LRRC71: variants seen among roughly 807,000 people sequenced by gnomAD.
The protein encoded by LRRC71 is leucine-rich repeat-containing protein 71.
LRRC71 carries 54 observed loss-of-function variants against 66.6 expected under a neutral mutation model. That is an observed-to-expected ratio of 0.81 (90% CI 0.65 to 1.02). LRRC71 has a LOEUF of 1.02. Among genes scored for constraint, LRRC71 ranks in the 50% least tolerant of loss-of-function variants. The pLI is 0.00. For synonymous variants in LRRC71, 323 were observed against 303.9 expected, an observed-to-expected ratio of 1.06 and a Z score of -0.65; for missense variants, 724 against 718.0, an observed-to-expected ratio of 1.01 and a Z score of -0.10.
chr1:156,932,343 G>T, intron 13 of LRRC71, 81 bp from the exon 14 acceptor site: 1 of 1,155,102 alleles, frequency 8.7e-7, no homozygotes, highest in East Asian at 2.5e-5. Context: ...TGGAGGAACT[G>T]GGATGCTGGG....
intron 1 of LRRC71, among the ~76,000 whole-genome samples, chr1:156,922,439 G>C (rs374585037): frequency 6.6e-6 from 1 of 152,180 alleles, no homozygotes; most frequent in Non-Finnish European, 1.5e-5. Flanking sequence ...ATGTGGGCTC[G>C]TGTCCGGTAG....
rs1239718744 is a variant in LRRC71 at position 156,924,420 on chromosome 1, C to T, written c.311-4C>T. 3 of 1,549,848 alleles carry T rather than the reference C, an allele frequency of 1.9e-6. No homozygotes were observed. Among genetic ancestry groups the T allele is most frequent in the Admixed American group, 2.0e-5 (1 of 51,004 alleles). ...TCCCCTCCCTCCTCACCTCTGCCTTCCAGACGATCCGCGGCTGTCGGGGTC... is the reference window on the plus strand; with the variant it reads ...TCCCCTCCCTCCTCACCTCTGCCTTTCAGACGATCCGCGGCTGTCGGGGTC... On this transcript the variant is annotated splice_polypyrimidine_tract_variant and splice_region_variant and intron_variant, in intron 2 of 14. Transcript: ENST00000337428.
chr1:156,932,650 G>T (rs1244907082), intron 14 of LRRC71, 105 bp downstream of exon 14: 10 of 1,611,790 alleles, frequency 6.2e-6, no homozygotes, highest in Non-Finnish European at 8.5e-6. Flanking sequence ...TCCAAGGAAG[G>T]TCTGTAGTTT....
chr1:156,930,710 T>C (rs1417027721), intron 12 of LRRC71, 93 bp downstream of exon 12: 2 of 1,189,006 alleles, frequency 1.7e-6, no homozygotes, highest in Non-Finnish European at 2.4e-6. Context: ...TGGAATGTGG[T>C]CTCCAGCCCC....
intron 9 of LRRC71, 46 bp from the exon 10 acceptor site, chr1:156,929,234 A>G (rs1653892230): frequency 6.4e-7 from 1 of 1,559,204 alleles, no homozygotes; most frequent in African/African-American, 1.4e-5. Context: ...CCATTGAGGA[A>G]GGGGCTCTGG....
downstream of LRRC71, chr1:156,937,448 G>C: frequency 6.4e-7 from 1 of 1,555,474 alleles, no homozygotes; most frequent in Non-Finnish European, 8.7e-7. Context: ...TGAGTGGTCG[G>C]TGCTTGAGTC....
the LRRC71 span, chr1:156,940,112 G>A: frequency 1.4e-6 from 2 of 1,441,556 alleles, no homozygotes; most frequent in East Asian, 2.3e-5. Flanking sequence ...ACCAGGAAGA[G>A]CCTTCGGGAA....
intron 5 of LRRC71, among the ~76,000 whole-genome samples, chr1:156,925,866 C>T (rs1303722997): frequency 6.6e-6 from 1 of 152,234 alleles, no homozygotes; most frequent in African/African-American, 2.4e-5. Context: ...GTGTAAAACA[C>T]CATGAAACAT....
Position 156,931,995 on chromosome 1 carries a change from G to T in LRRC71, c.1409G>T (p.Gly470Val). 6.3e-7 allele frequency: 1 copy of T among 1,599,978 alleles called. No homozygotes were observed. Among genetic ancestry groups the T allele is most frequent in the East Asian group, 2.2e-5 (1 of 44,468 alleles). Reference protein sequence around the residue: ...EHRDGKVFMPGNKVLLHLNLI... With the variant: ...EHRDGKVFMPVNKVLLHLNLI... ...CGAGATGGGAAAGTTTTCATGCCTGGGAACAAGGTCCTTTTGCACCTCAAC... is the reference window on the plus strand; with the variant it reads ...CGAGATGGGAAAGTTTTCATGCCTGTGAACAAGGTCCTTTTGCACCTCAAC... Residue 470 changes from glycine (G) to valine (V), a missense_variant, in exon 13 of 15, where the codon GGG (glycine) becomes GTG (valine). Coordinates refer to ENST00000337428, the MANE Select transcript of LRRC71 (RefSeq NM_144702.3).
chr1:156,932,456 T>A lies in LRRC71; in HGVS notation c.1474T>A (p.Phe492Ile), dbSNP rs1290478007. The A allele has an allele frequency of 6.2e-7, 1 of 1,613,764 alleles. No individual in the cohort carries two copies. ...CATCACAGAGGTGGGGCTGGAGGGCTTCCTCGCCACGGTGCAGTATCAGAT... is the reference window on the plus strand; with the variant it reads ...CATCACAGAGGTGGGGCTGGAGGGCATCCTCGCCACGGTGCAGTATCAGAT... The part of the protein sequence containing the change: ...NRITEVGLEG[F>I]LATVQYQMQF... Residue 492 changes from phenylalanine (F) to isoleucine (I), a missense_variant, in exon 14 of 15, where the codon TTC (phenylalanine) becomes ATC (isoleucine). Transcript: ENST00000337428.
In LRRC71 at chr1:156,932,903, G is replaced by C. The variant is rs2101668958; in HGVS notation, c.1614G>C (p.Leu538=). 1 of 1,606,954 alleles carries C rather than the reference G, an allele frequency of 6.2e-7. No homozygotes were observed. Among genetic ancestry groups the C allele is most frequent in the African/African-American group, 1.3e-5 (1 of 74,802 alleles). ...CTGCGTACGCCATAATCCAGGAGCT[G>C]ATGTTGCCAAGGGATCCCATCAAGG... The part of the protein sequence containing the change: ...QCPAYAIIQE[L]MLPRDPIKAK... The change falls in exon 15 of 15, where the codon CTG becomes CTC. Residue 538 remains leucine, a synonymous_variant. Transcript: ENST00000337428.
intron 14 of LRRC71, 56 bp from the exon 15 acceptor site, chr1:156,932,797 C>A: frequency 7.4e-7 from 1 of 1,351,938 alleles, no homozygotes; most frequent in Non-Finnish European, 1.0e-6. Flanking sequence ...TTTTTTTCTG[C>A]CAGAGGACTA....
chr1:156,927,180 C>A, intron 5 of LRRC71, 22 bp from the exon 6 acceptor site: 3 of 1,603,756 alleles, frequency 1.9e-6, no homozygotes, highest in Non-Finnish European at 2.6e-6. Flanking sequence ...CCTTCTGGTT[C>A]TCAGATCTCC....
intron 13 of LRRC71, 29 bp downstream of exon 13, chr1:156,932,056 T>C (rs750172449): frequency 6.5e-7 from 1 of 1,538,430 alleles, no homozygotes; most frequent in Non-Finnish European, 8.8e-7. Context: ...CCTGTCCTCC[T>C]GTCATGAGGC....
chr1:156,936,497 A>ACATATATAT, downstream of LRRC71, among the ~76,000 whole-genome samples: 1 of 33,938 alleles, frequency 2.9e-5, no homozygotes, highest in South Asian at 1.6e-3. Flanking sequence ...AAAAAAAAAA[A>ACATATATAT]ATATATATAT....
chr1:156,936,965 C>G (rs199528886), downstream of LRRC71: 296 of 1,614,002 alleles, frequency 1.8e-4, 1 homozygote, highest in Non-Finnish European at 1.7e-5. Context: ...TGACTCTCCC[C>G]CAAGGGACTT....
chr1:156,935,132 G>A (rs1238702201), downstream of LRRC71: 2 of 152,504 alleles, frequency 1.3e-5, no homozygotes, highest in South Asian at 2.1e-4. Flanking sequence ...CCCACCTCCT[G>A]GGGCCCAGTC....
intron 12 of LRRC71, 133 bp downstream of exon 12, chr1:156,930,750 A>C: frequency 1.2e-6 from 1 of 808,136 alleles, no homozygotes; most frequent in South Asian, 1.7e-5. Flanking sequence ...TTGCCTTCAA[A>C]TTTGTCCTCC....
intron 6 of LRRC71, 36 bp downstream of exon 6, chr1:156,927,306 C>A (rs1243878078): frequency 1.2e-6 from 2 of 1,602,504 alleles, no homozygotes; most frequent in Non-Finnish European, 1.7e-6. Flanking sequence ...TTCTCTGGGC[C>A]TGTCTCGAAA....
Sources: gnomAD v4.1 joint callset for allele counts (sites outside exome capture counted in the v4.1 genomes callset) on GRCh38, gnomAD v4.1.1 for gene constraint, MANE v1.5 for transcripts, NCBI Gene and HGNC (gene_info 2026-07-23, HGNC 2026-07-21) for gene names.